DPP10: variants seen among roughly 807,000 people sequenced by gnomAD.
DPP10 encodes dipeptidyl peptidase like 10.
DPP10 carries 33 observed loss-of-function variants against 120.9 expected under a neutral mutation model. The observed-to-expected ratio is 0.27, with a 90% CI of 0.21 to 0.37. The LOEUF (loss-of-function observed/expected upper bound fraction) is 0.37. DPP10 is among the 10% of genes least tolerant of loss of function. The pLI, the probability that DPP10 is intolerant of heterozygous loss-of-function variation, is 1.00. For missense variants in DPP10, 816 were observed against 942.8 expected (o/e 0.87, Z 1.76); for synonymous variants, 337 against 326.1 (o/e 1.03, Z -0.36).
At chr2:114,741,821 T>A (rs1254850278) in intron 1 of DPP10, among the ~76,000 whole-genome samples, 1 of 152,122 alleles carries the variant, frequency 6.6e-6, no homozygotes, top group African/African-American at 2.4e-5. Flanking sequence ...CACCAGAAAC[T>A]GAAAGAGGCA....
At chr2:114,559,912 A>AG (rs1491121713) in intron 1 of DPP10, among the ~76,000 whole-genome samples, 1 of 138,588 alleles carries the variant, frequency 7.2e-6, no homozygotes, top group African/African-American at 2.8e-5. Context: ...AAAAAAAAAA[A>AG]CAAAGGAAGG....
At chr2:114,457,267 G>A (rs184054299) in intron 1 of DPP10, among the ~76,000 whole-genome samples, 1 of 152,304 alleles carries the variant, frequency 6.6e-6, no homozygotes, top group Non-Finnish European at 1.5e-5. Flanking sequence ...TGTTGGGCCA[G>A]ACCACTCTTT....
chr2:114,875,850 A>C (rs976062523), intron 1 of DPP10, among the ~76,000 whole-genome samples: 1 of 152,162 alleles, frequency 6.6e-6, no homozygotes, highest in Non-Finnish European at 1.5e-5. Flanking sequence ...CAAATATATA[A>C]AAATAATAAC....
intron 3 of DPP10, among the ~76,000 whole-genome samples, chr2:115,369,843 T>C (rs2065295794): frequency 6.6e-6 from 1 of 152,146 alleles, no homozygotes; most frequent in Non-Finnish European, 1.5e-5. Context: ...ATTCAATTTA[T>C]TGGCTGATTA....
At chr2:115,626,479 A>G (rs1367497014) in intron 5 of DPP10, among the ~76,000 whole-genome samples, 9 of 152,110 alleles carry the variant, frequency 5.9e-5, no homozygotes, top group Admixed American at 2.0e-4. Flanking sequence ...CCATTTCCCC[A>G]TGATTTATAC....
chr2:115,599,809 A>C (rs956146582), intron 5 of DPP10, among the ~76,000 whole-genome samples: 3 of 152,102 alleles, frequency 2.0e-5, no homozygotes, highest in African/African-American at 7.2e-5. Context: ...TTTGGCAGGC[A>C]ATTTACTTAC....
At chr2:115,722,324 C>T (rs2092668584) in intron 7 of DPP10, among the ~76,000 whole-genome samples, 1 of 151,736 alleles carries the variant, frequency 6.6e-6, no homozygotes, top group African/African-American at 2.4e-5. Context: ...CTGCTTTCCA[C>T]TTCTGTACCC....
intron 1 of DPP10, among the ~76,000 whole-genome samples, chr2:114,567,185 G>A (rs931532543): frequency 2.0e-5 from 3 of 152,148 alleles, no homozygotes; most frequent in East Asian, 1.9e-4. Flanking sequence ...ACACCCTTAT[G>A]AGGCAGGTAC....
chr2:114,615,506 T>A (rs1407858401), intron 1 of DPP10, among the ~76,000 whole-genome samples: 1 of 152,150 alleles, frequency 6.6e-6, no homozygotes, highest in East Asian at 1.9e-4. Context: ...CCTCAACTCA[T>A]CACTAATAGT....
intron 1 of DPP10, among the ~76,000 whole-genome samples, chr2:114,596,863 C>T (rs1691953302): frequency 6.6e-6 from 1 of 152,038 alleles, no homozygotes; most frequent in Non-Finnish European, 1.5e-5. Context: ...TTCTCTTGCA[C>T]ATTTAAGCCA....
intron 1 of DPP10, among the ~76,000 whole-genome samples, chr2:114,961,125 C>T (rs956155754): frequency 1.4e-5 from 2 of 142,966 alleles, no homozygotes; most frequent in African/African-American, 5.2e-5. Context: ...GATCTCAGCT[C>T]ACCGCAACCT....
chr2:115,142,446 C>T (rs1195951775), intron 1 of DPP10, among the ~76,000 whole-genome samples: 1 of 152,076 alleles, frequency 6.6e-6, no homozygotes, highest in Non-Finnish European at 1.5e-5. Flanking sequence ...GGAGATCAGC[C>T]CCAGGGATGG....
chr2:114,611,473 TTA>T (rs2105285978), intron 1 of DPP10, among the ~76,000 whole-genome samples: 1 of 152,286 alleles, frequency 6.6e-6, no homozygotes, highest in South Asian at 2.1e-4. Flanking sequence ...ATTAACATTT[TTA>T]TATGTTTTCA....
At chr2:115,316,624 G>A (rs1275884672) in intron 2 of DPP10, among the ~76,000 whole-genome samples, 2 of 152,084 alleles carry the variant, frequency 1.3e-5, no homozygotes, top group African/African-American at 2.4e-5. Context: ...AAATACCCAT[G>A]ATAAAATATA....
At chr2:114,609,598 G>A (rs1693115621) in intron 1 of DPP10, among the ~76,000 whole-genome samples, 1 of 151,678 alleles carries the variant, frequency 6.6e-6, no homozygotes, top group East Asian at 1.9e-4. Context: ...TACAAGTGAG[G>A]AAATCTCAGG....
chr2:115,347,232 T>C (rs1352267849), intron 3 of DPP10, among the ~76,000 whole-genome samples: 3 of 152,120 alleles, frequency 2.0e-5, no homozygotes, highest in Admixed American at 2.0e-4. Context: ...AAAAAGGGTA[T>C]ACTCTAATGA....
At chr2:114,605,909 A>AT (rs1417761412) in intron 1 of DPP10, among the ~76,000 whole-genome samples, 2 of 152,178 alleles carry the variant, frequency 1.3e-5, no homozygotes, top group East Asian at 3.9e-4. Flanking sequence ...TTTAGCCCAT[A>AT]TTATCTCCCT....
intron 1 of DPP10, among the ~76,000 whole-genome samples, chr2:115,181,928 C>G (rs960137974): frequency 6.6e-6 from 1 of 152,058 alleles, no homozygotes; most frequent in Non-Finnish European, 1.5e-5. Context: ...CTGTATTCAG[C>G]CATAATTTTT....
chr2:114,612,407 C>A (rs1263735963), intron 1 of DPP10, among the ~76,000 whole-genome samples: 1 of 152,168 alleles, frequency 6.6e-6, no homozygotes, highest in African/African-American at 2.4e-5. Flanking sequence ...AGGGCTGAAC[C>A]ATTTACTCAG....
Sources: allele counts gnomAD v4.1 joint callset (sites outside exome capture counted in the v4.1 genomes callset), GRCh38; gene constraint gnomAD v4.1.1; transcripts MANE v1.5; gene names NCBI Gene and HGNC (gene_info 2026-07-23, HGNC 2026-07-21).